PHF21A: variants seen among roughly 807,000 people sequenced by gnomAD.
PHF21A encodes BHC80a.
A neutral mutation model predicts 82.5 loss-of-function variants in PHF21A; 11 were observed. The ratio of observed to expected loss-of-function variants is 0.13; its 90% CI spans 0.08 to 0.22. The LOEUF (loss-of-function observed/expected upper bound fraction) is 0.22, where lower values mean the gene tolerates loss of function less well. Among genes scored for constraint, PHF21A ranks in the 10% least tolerant of loss-of-function variants. The pLI is 1.00. For synonymous variants in PHF21A, 297 were observed against 302.8 expected, an observed-to-expected ratio of 0.98 and a Z score of 0.20; for missense variants, 579 against 837.8, an observed-to-expected ratio of 0.69 and a Z score of 3.81.
Position 45,979,790 on chromosome 11 carries a change from A to G in PHF21A, c.330T>C (p.Ala110=). ...AAGCAGTCAGGTTGGGAGAGGCTGC[A>G]GCTGACTGCTGGGCGTGGTGGTGGT... The part of the protein sequence containing the change: ...QYHHHHAQQS[A]AASPNLTASQ... The change falls in exon 7 of 19, where the codon GCT becomes GCC. Residue 110 remains alanine, a synonymous_variant. Transcript: ENST00000676320. 6.2e-7 allele frequency: 1 copy of G among 1,614,116 alleles called. No individual in the cohort carries two copies. Among genetic ancestry groups the G allele is most frequent in the Non-Finnish European group, 8.5e-7 (1 of 1,180,038 alleles).
chr11:46,099,566 T>TAAACAC (rs1235816115), intron 1 of PHF21A, among the ~76,000 whole-genome samples: 1 of 67,922 alleles, frequency 1.5e-5, no homozygotes, highest in African/African-American at 4.5e-5. Context: ...ACACACACCC[T>TAAACAC]AAACACAAAC....
At chr11:46,042,909 TTC>T (rs2138842951) in intron 6 of PHF21A, among the ~76,000 whole-genome samples, 1 of 152,164 alleles carries the variant, frequency 6.6e-6, no homozygotes, top group East Asian at 1.9e-4. Flanking sequence ...AGCAATGAAT[TTC>T]TGTTATTTAT....
At chr11:45,977,064 AT>A in intron 7 of PHF21A, among the ~76,000 whole-genome samples, 1 of 152,036 alleles carries the variant, frequency 6.6e-6, no homozygotes, top group East Asian at 1.9e-4. Flanking sequence ...GCCTCTTACC[AT>A]TCACCATCCC....
At chr11:45,994,526 T>G (rs2094834759) in intron 6 of PHF21A, among the ~76,000 whole-genome samples, 1 of 152,200 alleles carries the variant, frequency 6.6e-6, no homozygotes, top group Non-Finnish European at 1.5e-5. Flanking sequence ...TCAGTAAGAC[T>G]GCTGTGTAAG....
At chr11:45,941,245 C>A (rs969059919) in intron 15 of PHF21A, among the ~76,000 whole-genome samples, 1 of 152,150 alleles carries the variant, frequency 6.6e-6, no homozygotes, top group Non-Finnish European at 1.5e-5. Context: ...ACTACAAGTG[C>A]GTACCACCAT....
intron 10 of PHF21A, among the ~76,000 whole-genome samples, chr11:45,961,766 T>A (rs1488063761): frequency 6.6e-6 from 1 of 152,220 alleles, no homozygotes; most frequent in Non-Finnish European, 1.5e-5. Flanking sequence ...CAACAGGTGT[T>A]AGCCCCATTT....
intron 6 of PHF21A, among the ~76,000 whole-genome samples, chr11:46,006,552 A>G (rs1216254963): frequency 6.6e-6 from 1 of 152,172 alleles, no homozygotes; most frequent in Non-Finnish European, 1.5e-5. Context: ...TACTAAAATC[A>G]GTTCATCTAC....
chr11:46,055,230 G>A (rs575691946), intron 6 of PHF21A, among the ~76,000 whole-genome samples: 5 of 152,170 alleles, frequency 3.3e-5, no homozygotes, highest in African/African-American at 1.2e-4. Context: ...TAACAAAGCA[G>A]CAAATTTTTA....
At chr11:46,100,099 G>C (rs190436739) in intron 1 of PHF21A, among the ~76,000 whole-genome samples, 1 of 152,178 alleles carries the variant, frequency 6.6e-6, no homozygotes, top group Non-Finnish European at 1.5e-5. Context: ...AGAAACAGGA[G>C]TCTGAAACAT....
intron 3 of PHF21A, among the ~76,000 whole-genome samples, chr11:46,088,133 G>T (rs2096878224): frequency 6.6e-6 from 1 of 152,148 alleles, no homozygotes; most frequent in Admixed American, 6.6e-5. Flanking sequence ...AGCATCAAAA[G>T]AATTATTGGC....
At chr11:45,959,433 A>C (rs2092938341) in intron 10 of PHF21A, among the ~76,000 whole-genome samples, 1 of 152,248 alleles carries the variant, frequency 6.6e-6, no homozygotes, top group Non-Finnish European at 1.5e-5. Flanking sequence ...ATTTATGAAA[A>C]CACAGCTAAC....
Position 45,933,662 on chromosome 11 carries a change from G to A in PHF21A, c.*306C>T, listed in dbSNP as rs1481687109. ...ACCCATCGTGGCTGTGGAGGCTGCT[G>A]CAGGCACACACTGGTGTATAATAGA... On this transcript the variant is annotated 3_prime_UTR_variant, in exon 19 of 19. Transcript: ENST00000676320. 2.5e-5 allele frequency: 6 copies of A among 241,278 alleles called. No homozygotes were observed. The highest frequency in any genetic ancestry group is 4.7e-5 in the Non-Finnish European group (6 of 126,668). 14.9% of individuals were successfully genotyped at this position (241,278 alleles called of 1,614,324 possible). A position where few individuals can be genotyped will look rare whatever the true frequency, so the allele number is the denominator to read the frequency against.
intron 6 of PHF21A, among the ~76,000 whole-genome samples, chr11:46,074,657 T>C (rs2096705009): frequency 6.6e-6 from 1 of 152,134 alleles, no homozygotes. Context: ...CATGTGCCAC[T>C]ACACCCGGTT....
intron 1 of PHF21A, among the ~76,000 whole-genome samples, chr11:46,103,405 T>C (rs1018124636): frequency 3.9e-5 from 6 of 152,218 alleles, no homozygotes; most frequent in African/African-American, 1.4e-4. Context: ...AATTATTTAA[T>C]TGAAAGATAA....
intron 6 of PHF21A, among the ~76,000 whole-genome samples, chr11:46,039,112 AGACTT>A (rs2096072900): frequency 6.6e-6 from 1 of 152,198 alleles, no homozygotes; most frequent in Non-Finnish European, 1.5e-5. Flanking sequence ...ACAACTCTAA[AGACTT>A]GACTTTTATT....
chr11:45,930,913 C>T lies in PHF21A; in HGVS notation c.*3055G>A, dbSNP rs1007357093. ...GTCTCAGGTGGTCACAGGCCCCCCC[C>T]CCTCCCCGCCCAGGTCTGAGGGGAC... On this transcript the variant is annotated 3_prime_UTR_variant, in exon 19 of 19. Transcript: ENST00000676320. 1.3e-5 allele frequency: 2 copies of T among 150,966 alleles called. 1 individual carries two copies. Among genetic ancestry groups the T allele is most frequent in the Non-Finnish European group, 3.0e-5 (2 of 67,678 alleles). 9.4% of individuals were successfully genotyped at this position (150,966 alleles called of 1,614,324 possible). A position where few individuals can be genotyped will look rare whatever the true frequency, so the allele number is the denominator to read the frequency against.
chr11:46,032,661 T>C (rs1483436193), intron 6 of PHF21A, among the ~76,000 whole-genome samples: 1 of 152,184 alleles, frequency 6.6e-6, no homozygotes, highest in Non-Finnish European at 1.5e-5. Flanking sequence ...GAAAAGGCTA[T>C]ATATACTTTC....
chr11:46,104,500 G>C (rs2097132699), intron 1 of PHF21A, among the ~76,000 whole-genome samples: 2 of 151,980 alleles, frequency 1.3e-5, no homozygotes, highest in Non-Finnish European at 2.9e-5. Context: ...ATATTCCCAT[G>C]TATTTTCTAT....
At chr11:45,938,844 T>G (rs886177306) in intron 15 of PHF21A, among the ~76,000 whole-genome samples, 1 of 151,870 alleles carries the variant, frequency 6.6e-6, no homozygotes, top group African/African-American at 2.4e-5. Flanking sequence ...ATTCTTTTTT[T>G]TTTTTTTGAG....
Sources: allele counts gnomAD v4.1 joint callset (sites outside exome capture counted in the v4.1 genomes callset), GRCh38; gene constraint gnomAD v4.1.1; transcripts MANE v1.5; gene names NCBI Gene and HGNC (gene_info 2026-07-23, HGNC 2026-07-21).